Variants in HAPLN1 observed in about 807,000 individuals in gnomAD.
The protein encoded by HAPLN1 is Cartilage link protein.
HAPLN1 carries 13 observed loss-of-function variants against 36.5 expected under a neutral mutation model. That is an observed-to-expected ratio of 0.36 (90% CI 0.23 to 0.57). The LOEUF (loss-of-function observed/expected upper bound fraction) is 0.57, where lower values mean the gene tolerates loss of function less well. HAPLN1 is among the 20% of genes least tolerant of loss of function. The pLI, the probability that HAPLN1 is intolerant of heterozygous loss-of-function variation, is 0.83. For synonymous variants in HAPLN1, 202 were observed against 169.8 expected (o/e 1.19, Z -1.48); for missense variants, 407 against 439.7 (o/e 0.93, Z 0.66).
At chr5:83,706,267 C>CACA (rs1336946247) in intron 1 of HAPLN1, among the ~76,000 whole-genome samples, 1 of 152,066 alleles carries the variant, frequency 6.6e-6, no homozygotes, top group African/African-American at 2.4e-5. Context: ...ATATGACAGA[C>CACA]ACAACAACAA....
At chr5:83,663,221 C>G (rs1443631624) in intron 2 of HAPLN1, among the ~76,000 whole-genome samples, 1 of 152,288 alleles carries the variant, frequency 6.6e-6, no homozygotes, top group African/African-American at 2.4e-5. Context: ...TGAAAAATAG[C>G]AGGCCTTTGG....
intron 1 of HAPLN1, among the ~76,000 whole-genome samples, chr5:83,678,217 TTGGG>T (rs1051977556): frequency 0.011 from 339 of 30,948 alleles, 3 homozygotes; most frequent in Non-Finnish European, 0.024. Context: ...TATCTATAGT[TTGGG>T]TGTGTGTGTG....
At chr5:83,706,188 C>T (rs1203899437) in intron 1 of HAPLN1, among the ~76,000 whole-genome samples, 1 of 151,546 alleles carries the variant, frequency 6.6e-6, no homozygotes, top group Admixed American at 6.6e-5. Context: ...TTGTACCATT[C>T]CAAAAAATCA....
In HAPLN1 at chr5:83,665,621, G is replaced by A. The variant is rs959574022; in HGVS notation, c.100+7803C>T. On this transcript the variant is annotated intron_variant, in intron 2 of 4. Transcript: ENST00000274341. ...TTTTACCTAATCTCCATACTTGACT[G>A]TAGTAAAATGCTTCTTGTTCTAACA... 2.0e-5 allele frequency among the ~76,000 whole-genome samples: 3 copies of A among 152,162 alleles called. No homozygotes were observed. In the East Asian group the frequency reaches 5.8e-4, roughly 29 times the overall value.
At chr5:83,700,646 CTTT>C (rs11352221) in intron 1 of HAPLN1, among the ~76,000 whole-genome samples, 7 of 139,020 alleles carry the variant, frequency 5.0e-5, no homozygotes, top group Admixed American at 7.2e-5. Flanking sequence ...TCCTTTCAAA[CTTT>C]TTTTTTTTTT....
chr5:83,704,798 G>A (rs1229937197), intron 1 of HAPLN1, among the ~76,000 whole-genome samples: 2 of 152,116 alleles, frequency 1.3e-5, no homozygotes, highest in African/African-American at 2.4e-5. Context: ...CTCCAACATA[G>A]TAATAGTGGG....
At chr5:83,651,178 C>A (rs1750052436) in intron 3 of HAPLN1, among the ~76,000 whole-genome samples, 1 of 152,020 alleles carries the variant, frequency 6.6e-6, no homozygotes, top group South Asian at 2.1e-4. Context: ...AATGTAACAA[C>A]AGATAATAGA....
At position 83,643,599 on chromosome 5, in the gene HAPLN1, CT is replaced by C. The variant is rs202201721; in HGVS notation, c.775+763del. 1.3e-4 allele frequency among the ~76,000 whole-genome samples: 19 copies of C among 151,168 alleles called. No individual in the cohort carries two copies. The South Asian group carries it at 2.3e-3, about 18-fold the overall frequency. On this transcript the variant is annotated intron_variant, in intron 4 of 4. Transcript: ENST00000274341. ...AACAAGGAGCTCCACATTTTCTTTCCTTTTTTTTTCTTTTTATTTATTTATT... is the reference window on the plus strand; with the variant it reads ...AACAAGGAGCTCCACATTTTCTTTCCTTTTTTTTCTTTTTATTTATTTATT...
In HAPLN1 at chr5:83,679,892, A is replaced by C. The variant is rs368528349; in HGVS notation, c.-26-6343T>G. Among the ~76,000 whole-genome samples, 6 of 152,302 alleles carry C rather than the reference A, an allele frequency of 3.9e-5. No homozygotes were observed. The South Asian group carries it at 1.2e-3, about 32-fold the overall frequency. ...TCCAAGCTCCATGTTAGTTGTTATT[A>C]TTATGATTTAATGTTTTCTTACTGG... On this transcript the variant is annotated intron_variant, in intron 1 of 4. Transcript: ENST00000274341.
chr5:83,651,194 A>C (rs1750052902), intron 3 of HAPLN1, among the ~76,000 whole-genome samples: 1 of 152,180 alleles, frequency 6.6e-6, no homozygotes, highest in African/African-American at 2.4e-5. Flanking sequence ...ATAGAATTCA[A>C]ACTTGTTTAA....
At position 83,697,329 on chromosome 5, in the gene HAPLN1, G is replaced by A. The variant is rs78323687; in HGVS notation, c.-27+23460C>T. On this transcript the variant is annotated intron_variant, in intron 1 of 4. Transcript: ENST00000274341. ...TTATGCCTGGCTTCTTTCACTTAGC[G>A]TAATGTTTTCAATGTTCATTCTGTA... Among the ~76,000 whole-genome samples the A allele has an allele frequency of 9.8e-3, 1,493 of 152,094 alleles. 106 individuals carry two copies. The East Asian group carries it at 0.19, about 19-fold the overall frequency.
rs1750505871 is a variant in HAPLN1, at chr5:83,664,680, C to G, written c.100+8744G>C. Among the ~76,000 whole-genome samples, 3 of 151,718 alleles carry G rather than the reference C, an allele frequency of 2.0e-5. No individual in the cohort carries two copies. The South Asian group carries it at 6.2e-4, about 31-fold the overall frequency. On this transcript the variant is annotated intron_variant, in intron 2 of 4. Transcript: ENST00000274341. The stretch of plus-strand genomic sequence containing the variant: ...TTATAGATGTGAGCCACTGTGTCTT[C>G]CAAAAAAAACTTTTATATTTATTAT...
At chr5:83,673,575 G>A (rs1209005713) in intron 1 of HAPLN1, 26 bp from the exon 2 acceptor site, 2 of 1,360,818 alleles carry the variant, frequency 1.5e-6, no homozygotes, top group East Asian at 2.3e-5. Context: ...ATACAAAGAG[G>A]CTTGTGAGAT....
At chr5:83,653,358 C>T (rs1379698449) in intron 2 of HAPLN1, among the ~76,000 whole-genome samples, 1 of 152,156 alleles carries the variant, frequency 6.6e-6, no homozygotes, top group East Asian at 1.9e-4. Flanking sequence ...AGAATATCCT[C>T]ACATTTATGG....
intron 1 of HAPLN1, among the ~76,000 whole-genome samples, chr5:83,698,776 C>T (rs1751446512): frequency 6.6e-6 from 1 of 152,120 alleles, no homozygotes; most frequent in Admixed American, 6.6e-5. Flanking sequence ...AACTGATACA[C>T]AGTAAAAATC....
At chr5:83,707,648 C>T (rs1406200789) in intron 1 of HAPLN1, among the ~76,000 whole-genome samples, 1 of 152,108 alleles carries the variant, frequency 6.6e-6, no homozygotes, top group Admixed American at 6.5e-5. Flanking sequence ...ATAATCGAGG[C>T]AATACCATCC....
At position 83,654,183 on chromosome 5, in the gene HAPLN1, T is replaced by C. The variant is rs72771294; in HGVS notation, c.101-1359A>G. Among the ~76,000 whole-genome samples the C allele has an allele frequency of 8.9e-3, 1,357 of 152,328 alleles. 9 individuals carry two copies. The highest frequency in any genetic ancestry group is 0.034 in the Middle Eastern group (10 of 294). On this transcript the variant is annotated intron_variant, in intron 2 of 4. Coordinates refer to ENST00000274341, the MANE Select transcript of HAPLN1 (RefSeq NM_001884.4). ...TATCATATAGCAATCAGAATTAATA[T>C]TTTTAATGAGCATATCATTTCATTT...
chr5:83,706,537 A>G (rs1422673032), intron 1 of HAPLN1, among the ~76,000 whole-genome samples: 1 of 152,212 alleles, frequency 6.6e-6, no homozygotes, highest in African/African-American at 2.4e-5. Flanking sequence ...ACATCGCTTC[A>G]TGTTAAAAAC....
intron 1 of HAPLN1, among the ~76,000 whole-genome samples, chr5:83,715,239 A>T (rs546314178): frequency 1.3e-5 from 2 of 152,246 alleles, no homozygotes; most frequent in African/African-American, 2.4e-5. Context: ...TTGTAAATGC[A>T]TGAGTGAAAC....
Sources: allele counts gnomAD v4.1 joint callset (sites outside exome capture counted in the v4.1 genomes callset), GRCh38; gene constraint gnomAD v4.1.1; transcripts MANE v1.5; gene names NCBI Gene and HGNC (gene_info 2026-07-23, HGNC 2026-07-21).